Variants in RBFOX1 observed in about 807,000 individuals in gnomAD.
RBFOX1 encodes the protein RNA binding fox-1 homolog 1, also known as RNA binding protein fox-1 homolog 1.
A neutral mutation model predicts 57.7 loss-of-function variants in RBFOX1; 8 were observed. That is an observed-to-expected ratio of 0.14 (90% CI 0.08 to 0.25). The LOEUF (loss-of-function observed/expected upper bound fraction) is 0.25. Among genes scored for constraint, RBFOX1 ranks in the 10% least tolerant of loss-of-function variants. The pLI, the probability that RBFOX1 is intolerant of heterozygous loss-of-function variation, is 1.00. For missense variants in RBFOX1, 611 were observed against 548.5 expected, an observed-to-expected ratio of 1.11 and a Z score of -1.14; for synonymous variants, 326 against 222.4, an observed-to-expected ratio of 1.47 and a Z score of -4.15.
At chr16:5,403,052 CAT>C (rs2066758389) in intron 1 of RBFOX1, among the ~76,000 whole-genome samples, 2 of 152,114 alleles carry the variant, frequency 1.3e-5, no homozygotes, top group Admixed American at 1.3e-4. Flanking sequence ...GCAAAAGTGT[CAT>C]AAAACCCTTA....
At chr16:7,000,592 C>T (rs61244180) in intron 3 of RBFOX1, among the ~76,000 whole-genome samples, 15,403 of 82,748 alleles carry the variant, frequency 0.19, 1,900 homozygotes, top group African/African-American at 0.45. Context: ...CTTTCTTTTT[C>T]TTTCTTTTTT....
intron 4 of RBFOX1, among the ~76,000 whole-genome samples, chr16:7,112,449 C>T (rs374962563): frequency 9.3e-5 from 14 of 151,160 alleles, no homozygotes; most frequent in South Asian, 2.1e-4. Flanking sequence ...TCAAGTTGTC[C>T]GCCCGCCTCA....
chr16:6,868,565 G>A (rs935598263), intron 3 of RBFOX1, among the ~76,000 whole-genome samples: 4 of 152,056 alleles, frequency 2.6e-5, no homozygotes, highest in African/African-American at 9.7e-5. Context: ...TCTGCTTCCT[G>A]GGTTCAAGCA....
At chr16:6,434,739 C>G (rs796773743) in intron 2 of RBFOX1, among the ~76,000 whole-genome samples, 4 of 152,180 alleles carry the variant, frequency 2.6e-5, no homozygotes, top group Non-Finnish European at 1.5e-5. Context: ...TCTGACATTG[C>G]TAACAGCCTA....
At chr16:6,330,772 A>G (rs570320706) in intron 2 of RBFOX1, among the ~76,000 whole-genome samples, 1 of 152,228 alleles carries the variant, frequency 6.6e-6, no homozygotes, top group Non-Finnish European at 1.5e-5. Context: ...CTGCAATGTA[A>G]ACACACCAGC....
chr16:7,489,054 G>T (rs923952207), intron 4 of RBFOX1, among the ~76,000 whole-genome samples: 10 of 152,092 alleles, frequency 6.6e-5, no homozygotes, highest in African/African-American at 2.4e-4. Context: ...AAATCTTGCT[G>T]TGAATCTCAG....
At chr16:5,567,416 A>G (rs979604282) in intron 2 of RBFOX1, among the ~76,000 whole-genome samples, 4 of 152,112 alleles carry the variant, frequency 2.6e-5, no homozygotes, top group South Asian at 4.1e-4. Context: ...AACACAGCCA[A>G]TCTCTCTGGG....
intron 3 of RBFOX1, among the ~76,000 whole-genome samples, chr16:6,963,422 T>C (rs2083429794): frequency 6.6e-6 from 1 of 152,190 alleles, no homozygotes; most frequent in African/African-American, 2.4e-5. Context: ...TTGTTGGACT[T>C]CTACCAAATG....
chr16:7,556,189 C>G (rs371480007), intron 5 of RBFOX1, among the ~76,000 whole-genome samples: 3 of 152,248 alleles, frequency 2.0e-5, no homozygotes, highest in African/African-American at 7.2e-5. Flanking sequence ...TTATAAGGCC[C>G]TGAGAAGTCT....
chr16:5,716,914 A>G (rs961047523), intron 3 of RBFOX1, among the ~76,000 whole-genome samples: 1 of 152,178 alleles, frequency 6.6e-6, no homozygotes, highest in Non-Finnish European at 1.5e-5. Context: ...CCTGCCTCCC[A>G]GCACCGGAGC....
At chr16:7,321,482 A>C (rs1324366829) in intron 4 of RBFOX1, among the ~76,000 whole-genome samples, 1 of 152,106 alleles carries the variant, frequency 6.6e-6, no homozygotes, top group Non-Finnish European at 1.5e-5. Flanking sequence ...ACAAACATGA[A>C]ATACGTGGAA....
At chr16:5,386,429 A>T (rs2151405044) in intron 1 of RBFOX1, among the ~76,000 whole-genome samples, 1 of 152,214 alleles carries the variant, frequency 6.6e-6, no homozygotes, top group South Asian at 2.1e-4. Context: ...GCCACGCAAG[A>T]GGGCTGTTCC....
At chr16:5,479,238 G>C (rs747096913) in intron 2 of RBFOX1, among the ~76,000 whole-genome samples, 173 of 152,114 alleles carry the variant, frequency 1.1e-3, no homozygotes, top group Middle Eastern at 3.4e-3. Flanking sequence ...GCTGTCATTT[G>C]ATTGGCACCA....
intron 4 of RBFOX1, among the ~76,000 whole-genome samples, chr16:7,218,728 G>T (rs972629171): frequency 4.1e-5 from 5 of 120,876 alleles, no homozygotes; most frequent in African/African-American, 1.3e-4. Context: ...TCATCTTAAA[G>T]TGTTTTTTTT....
intron 1 of RBFOX1, among the ~76,000 whole-genome samples, chr16:6,112,321 A>G (rs1226535169): frequency 6.6e-6 from 1 of 152,200 alleles, no homozygotes; most frequent in Non-Finnish European, 1.5e-5. Flanking sequence ...TTTATCCGAT[A>G]TGTGCATTCT....
chr16:7,664,828 G>A, intron 12 of RBFOX1, 101 bp from the exon 13 acceptor site: 2 of 1,600,920 alleles, frequency 1.2e-6, no homozygotes, highest in East Asian at 2.2e-5. Flanking sequence ...CCTGTGTTTT[G>A]GATCTTGTGA....
At chr16:5,764,054 C>T (rs531254232) in intron 3 of RBFOX1, among the ~76,000 whole-genome samples, 49 of 152,322 alleles carry the variant, frequency 3.2e-4, no homozygotes, top group African/African-American at 1.1e-3. Flanking sequence ...ACATCACACA[C>T]ACCGTAGGTG....
At chr16:6,806,897 G>C (rs1170836640) in intron 3 of RBFOX1, among the ~76,000 whole-genome samples, 2 of 132,170 alleles carry the variant, frequency 1.5e-5, no homozygotes, top group African/African-American at 3.0e-5. Flanking sequence ...GCAATAGCAT[G>C]ATCTCAGCTC....
intron 3 of RBFOX1, among the ~76,000 whole-genome samples, chr16:5,652,633 G>A (rs989686525): frequency 3.3e-5 from 5 of 151,942 alleles, no homozygotes; most frequent in African/African-American, 9.7e-5. Context: ...TCACCCACCC[G>A]GCTTCACATT....
Sources: gnomAD v4.1 joint callset for allele counts (sites outside exome capture counted in the v4.1 genomes callset) on GRCh38, gnomAD v4.1.1 for gene constraint, MANE v1.5 for transcripts, NCBI Gene and HGNC (gene_info 2026-07-23, HGNC 2026-07-21) for gene names.